Variants in TBC1D5 observed in about 807,000 individuals in gnomAD.
The protein encoded by TBC1D5 is TBC1 domain family, member 5.
A neutral mutation model predicts 100.3 loss-of-function variants in TBC1D5; 75 were observed. That is an observed-to-expected ratio of 0.75 (90% CI 0.62 to 0.91). The LOEUF is 0.91. Ranked by LOEUF, TBC1D5 falls within the 40% of genes least tolerant of loss-of-function variation. The pLI, the probability that TBC1D5 is intolerant of heterozygous loss-of-function variation, is 0.00. For missense variants in TBC1D5, 910 were observed against 942.4 expected (o/e 0.97, Z 0.45); for synonymous variants, 323 against 325.6 (o/e 0.99, Z 0.09).
rs112437282 is a variant in TBC1D5 at position 17,352,693 on chromosome 3, A to C, written c.995+19382T>G. ...ATACAAAGCAAAAGGCAAAAAAAAA[A>C]AAAAAACAAAAAAACCTACTGTGCA... On this transcript the variant is annotated intron_variant, in intron 13 of 21. Coordinates refer to ENST00000253692, the Ensembl canonical transcript of TBC1D5. Among the ~76,000 whole-genome samples, 34 of 149,314 alleles carry C rather than the reference A, an allele frequency of 2.3e-4. 1 individual carries two copies. Among genetic ancestry groups the C allele is most frequent in the African/African-American group, 7.5e-4 (30 of 40,204 alleles).
chr3:17,504,896 G>C (rs1334042117), intron 3 of TBC1D5, among the ~76,000 whole-genome samples: 1 of 152,086 alleles, frequency 6.6e-6, no homozygotes, highest in Non-Finnish European at 1.5e-5. Flanking sequence ...ATCGACATCA[G>C]TCAACTATTT....
chr3:17,557,913 A>G (rs886906141), intron 2 of TBC1D5, among the ~76,000 whole-genome samples: 4 of 152,188 alleles, frequency 2.6e-5, no homozygotes, highest in Admixed American at 2.6e-4. Flanking sequence ...GAATGAGTCA[A>G]TCCTGGCTTT....
chr3:17,264,558 A>C (rs1357653802), intron 15 of TBC1D5, among the ~76,000 whole-genome samples: 6 of 152,216 alleles, frequency 3.9e-5, no homozygotes, highest in Non-Finnish European at 7.3e-5. Flanking sequence ...TATACGTTGA[A>C]AACAAAAGCA....
chr3:17,535,260 C>G (rs2096270754), intron 2 of TBC1D5, among the ~76,000 whole-genome samples: 1 of 152,108 alleles, frequency 6.6e-6, no homozygotes, highest in Admixed American at 6.6e-5. Flanking sequence ...TAAATCCATT[C>G]ACAAAGCTAT....
At chr3:17,214,513 T>G (rs1032814972) in intron 17 of TBC1D5, 143 bp from the exon 19 acceptor site, 7 of 832,822 alleles carry the variant, frequency 8.4e-6, no homozygotes, top group Non-Finnish European at 1.2e-5. Context: ...AGTATTAAAA[T>G]GCATGCATTT....
At chr3:17,353,772 G>A (rs1307221759) in intron 13 of TBC1D5, among the ~76,000 whole-genome samples, 1 of 152,102 alleles carries the variant, frequency 6.6e-6, no homozygotes, top group Non-Finnish European at 1.5e-5. Flanking sequence ...GAAGAGGAAT[G>A]GAAACAGTGG....
At chr3:17,336,009 T>TA (rs1342752933) in intron 13 of TBC1D5, among the ~76,000 whole-genome samples, 1 of 152,154 alleles carries the variant, frequency 6.6e-6, no homozygotes, top group East Asian at 1.9e-4. Context: ...TCAATGCATA[T>TA]AGCCACCATT....
intron 1 of TBC1D5, among the ~76,000 whole-genome samples, chr3:17,722,718 A>C (rs553006054): frequency 6.6e-6 from 1 of 152,380 alleles, no homozygotes; most frequent in East Asian, 1.9e-4. Flanking sequence ...GAGAAAACTA[A>C]GTCTCAGAAC....
chr3:17,560,099 T>C (rs912074355), intron 2 of TBC1D5, among the ~76,000 whole-genome samples: 1 of 152,176 alleles, frequency 6.6e-6, no homozygotes, highest in African/African-American at 2.4e-5. Flanking sequence ...ATGGCACCTA[T>C]AGTCCTATCT....
intron 4 of TBC1D5, among the ~76,000 whole-genome samples, chr3:17,424,118 G>T (rs1658558321): frequency 6.6e-6 from 1 of 152,078 alleles, no homozygotes; most frequent in Admixed American, 6.5e-5. Flanking sequence ...GTTATAATTT[G>T]ATCAAAAAGA....
chr3:17,352,650 G>A, intron 13 of TBC1D5, among the ~76,000 whole-genome samples: 1 of 107,724 alleles, frequency 9.3e-6, no homozygotes, highest in Non-Finnish European at 1.9e-5. Context: ...CTGACATAAA[G>A]AACCATCTCT....
chr3:17,626,647 G>A (rs546089774), intron 1 of TBC1D5, among the ~76,000 whole-genome samples: 1 of 152,070 alleles, frequency 6.6e-6, no homozygotes, highest in African/African-American at 2.4e-5. Flanking sequence ...TTCACAGAGG[G>A]GGCAAGACAA....
intron 13 of TBC1D5, among the ~76,000 whole-genome samples, chr3:17,337,903 G>C (rs1350654953): frequency 2.0e-5 from 3 of 152,104 alleles, no homozygotes; most frequent in African/African-American, 7.2e-5. Context: ...ATTTTATCCT[G>C]AGTGAATAAA....
At chr3:17,223,544 A>T (rs2074513270) in intron 17 of TBC1D5, among the ~76,000 whole-genome samples, 1 of 152,170 alleles carries the variant, frequency 6.6e-6, no homozygotes, top group Non-Finnish European at 1.5e-5. Flanking sequence ...ATCGTAAGTT[A>T]AACCCAGATT....
chr3:17,722,887 C>A (rs898733086), intron 1 of TBC1D5, among the ~76,000 whole-genome samples: 3 of 152,082 alleles, frequency 2.0e-5, no homozygotes, highest in Non-Finnish European at 4.4e-5. Context: ...CTATTTTTTT[C>A]CCCAGAAATG....
intron 3 of TBC1D5, among the ~76,000 whole-genome samples, chr3:17,452,900 G>C (rs1207910027): frequency 6.6e-6 from 1 of 151,790 alleles, no homozygotes; most frequent in Non-Finnish European, 1.5e-5. Flanking sequence ...CTCCAGGATA[G>C]ACCATATGTT....
In TBC1D5 at chr3:17,185,005, G is replaced by GT. The variant is rs1356801814; in HGVS notation, c.1852+103dup. The GT allele has an allele frequency of 4.5e-6, 4 of 880,048 alleles. No individual in the cohort carries two copies. The East Asian group carries it at 1.0e-4, about 22-fold the overall frequency. The allele number at this position is 880,048 out of a possible 1,614,324, so 54.5% of individuals were successfully genotyped here. On this transcript the variant is annotated intron_variant, in intron 19 of 21. Transcript: ENST00000253692. ...ATAGCTGTTGTAAGGATTAAATAAG[G>GT]TAATTCATGTAAACAGCTTAGCACA...
exon 18 of TBC1D5, chr3:17,214,313 C>G: frequency 1.2e-6 from 2 of 1,613,120 alleles, no homozygotes; most frequent in Non-Finnish European, 1.7e-6. Flanking sequence ...AGTGAATTCT[C>G]TTCCTCCAGG....
At chr3:17,667,538 A>C (rs1488987427) in intron 1 of TBC1D5, among the ~76,000 whole-genome samples, 1 of 151,200 alleles carries the variant, frequency 6.6e-6, no homozygotes. Context: ...TGCAGCCTTG[A>C]CCTCCCAGGC....
Sources: gnomAD v4.1 joint callset for allele counts (sites outside exome capture counted in the v4.1 genomes callset) on GRCh38, gnomAD v4.1.1 for gene constraint, MANE v1.5 for transcripts, NCBI Gene and HGNC (gene_info 2026-07-23, HGNC 2026-07-21) for gene names.